SLCO1B3: variants seen among roughly 807,000 people sequenced by gnomAD.
SLCO1B3 encodes the protein liver-specific organic anion transporter 2.
In SLCO1B3, 72 loss-of-function variants were observed where a neutral mutation model predicts 71.8. The ratio of observed to expected loss-of-function variants is 1.00; its 90% CI spans 0.83 to 1.22. The LOEUF is 1.22. SLCO1B3 is among the 50% of genes most tolerant of loss of function. The probability of loss-of-function intolerance (pLI) is 0.00; values close to 1 mark genes in which losing one functional copy is unlikely to be tolerated. For missense variants in SLCO1B3, 911 were observed against 819.7 expected (o/e 1.11, Z -1.36); for synonymous variants, 298 against 278.4 (o/e 1.07, Z -0.70).
intron 3 of SLCO1B3, among the ~76,000 whole-genome samples, chr12:20,822,261 C>A (rs144659345): frequency 6.6e-6 from 1 of 151,902 alleles, no homozygotes; most frequent in African/African-American, 2.4e-5. Flanking sequence ...CACCTGGATG[C>A]GGTTGGGCTG....
rs2121292932 is a variant in SLCO1B3 at position 20,875,447 on chromosome 12, C to A, written c.940C>A (p.Gln314Lys). 1 of 1,598,882 alleles carries A rather than the reference C, an allele frequency of 6.3e-7. No homozygotes were observed. Among genetic ancestry groups the A allele is most frequent in the South Asian group, 1.1e-5 (1 of 87,366 alleles). Reference protein sequence around the residue: ...DRNQTANLTNQGKNVTKNVTG... With the variant: ...DRNQTANLTNKGKNVTKNVTG... ...AAATCAAACAGCTAATTTGACCAAC[C>A]AAGGAAAAAATGTTACCAAAAATGT... Residue 314 changes from glutamine to lysine, a missense_variant, in exon 9 of 16, where the codon CAA (glutamine) becomes AAA (lysine). Coordinates refer to ENST00000381545, the MANE Select transcript of SLCO1B3 (RefSeq NM_019844.4).
chr12:20,870,664 C>T (rs1269180704), intron 8 of SLCO1B3, among the ~76,000 whole-genome samples: 1 of 152,144 alleles, frequency 6.6e-6, no homozygotes, highest in African/African-American at 2.4e-5. Context: ...GCTCTGTATT[C>T]CATTCTGTTG....
Position 20,880,876 on chromosome 12 carries a change from T to C in SLCO1B3, c.1353T>C (p.His451=), listed in dbSNP as rs1865677876. The C allele has an allele frequency of 1.2e-6, 2 of 1,606,628 alleles. No individual in the cohort carries two copies. Among genetic ancestry groups the C allele is most frequent in the African/African-American group, 2.7e-5 (2 of 74,680 alleles). Residue 451 remains histidine (H), a synonymous_variant, in exon 12 of 16, where the codon CAT becomes CAC. Transcript: ENST00000381545. Reference sequence around the variant, plus strand: ...TCAGAAATAATTCAGTGGCATCTCATGTAGATGTACCACTTTCTTATTGCA... The same window carrying C: ...TCAGAAATAATTCAGTGGCATCTCACGTAGATGTACCACTTTCTTATTGCA... The part of the protein sequence containing the change: ...TYDGNNSVAS[H]VDVPLSYCNS...
At chr12:20,858,395 A>T in intron 4 of SLCO1B3, 44 bp from the exon 5 acceptor site, 1 of 1,421,348 alleles carries the variant, frequency 7.0e-7, no homozygotes, top group Non-Finnish European at 9.9e-7. Context: ...ACTAGATACA[A>T]AATTACACTA....
At chr12:20,871,366 G>C (rs1865472238) in intron 8 of SLCO1B3, among the ~76,000 whole-genome samples, 1 of 152,098 alleles carries the variant, frequency 6.6e-6, no homozygotes. Flanking sequence ...TGAATTCTCT[G>C]TTTGAAAGAT....
At chr12:20,814,041 T>C (rs747689374) in intron 2 of SLCO1B3, among the ~76,000 whole-genome samples, 128 of 152,174 alleles carry the variant, frequency 8.4e-4, no homozygotes, top group Non-Finnish European at 3.2e-4. Flanking sequence ...AGCAGCTACA[T>C]AGCAAGTATC....
At chr12:20,875,668 G>C (rs542012910) in intron 9 of SLCO1B3, among the ~76,000 whole-genome samples, 191 bp downstream of exon 9, 5 of 152,174 alleles carry the variant, frequency 3.3e-5, no homozygotes, top group Non-Finnish European at 7.4e-5. Context: ...AAAAGGGGAA[G>C]AGGATTAGGT....
chr12:20,897,954 G>A (rs1182834531), intron 13 of SLCO1B3, among the ~76,000 whole-genome samples: 1 of 152,076 alleles, frequency 6.6e-6, no homozygotes, highest in East Asian at 1.9e-4. Context: ...AAAGTTTTTT[G>A]ACCCTTCTGG....
At chr12:20,842,307 T>C (rs4141476) in intron 3 of SLCO1B3, among the ~76,000 whole-genome samples, 109,890 of 151,840 alleles carry the variant, frequency 0.72, 42,346 homozygotes, top group South Asian at 0.9. Flanking sequence ...CCTATCATAA[T>C]TGAGAAACAA....
chr12:20,821,519 GT>G lies in SLCO1B3; in HGVS notation c.84+5700del, dbSNP rs563384913. 2.5e-4 allele frequency among the ~76,000 whole-genome samples: 38 copies of G among 152,148 alleles called. No homozygotes were observed. The South Asian group carries it at 7.5e-3, about 30-fold the overall frequency. On this transcript the variant is annotated intron_variant, in intron 3 of 15. Coordinates refer to ENST00000381545, the MANE Select transcript of SLCO1B3 (RefSeq NM_019844.4). ...GTAGAGACACGGAGAAGTGATGGGG[GT>G]TTCTTGCCCTCCAGAAAAGCAGAGA... is the stretch of plus-strand genomic sequence containing the variant.
intron 15 of SLCO1B3, among the ~76,000 whole-genome samples, chr12:20,908,303 A>G (rs1428755888): frequency 6.6e-6 from 1 of 152,210 alleles, no homozygotes; most frequent in Non-Finnish European, 1.5e-5. Context: ...TCCCGCATAC[A>G]TGCATAGCCT....
At chr12:20,902,051 T>C (rs1866142934) in intron 15 of SLCO1B3, 1 of 299,592 alleles carries the variant, frequency 3.3e-6, no homozygotes, top group Non-Finnish European at 6.4e-6. Flanking sequence ...CTATAAGTAT[T>C]AGAACTACTC....
chr12:20,831,831 C>A (rs1435113453), intron 3 of SLCO1B3, among the ~76,000 whole-genome samples: 1 of 152,064 alleles, frequency 6.6e-6, no homozygotes, highest in Non-Finnish European at 1.5e-5. Flanking sequence ...GTGAGAGAAA[C>A]AATAATAGTG....
In SLCO1B3 at chr12:20,814,971, CTTTTCTTTTCT is replaced by C. The variant is rs1356780596; in HGVS notation, c.-65-698_-65-688del. On this transcript the variant is annotated intron_variant, in intron 2 of 15. Coordinates refer to ENST00000381545, the MANE Select transcript of SLCO1B3 (RefSeq NM_019844.4). ...GGTTATAAGCAGAATCTTGCCTTTT[CTTTTCTTTTCT>C]TTTTTTTTTTTTTTGCATTTTTCAA... 2.1e-4 allele frequency among the ~76,000 whole-genome samples: 9 copies of C among 42,230 alleles called. No individual in the cohort carries two copies. The South Asian group carries it at 7.7e-3, about 36-fold the overall frequency. The allele number at this position is 42,230 out of a possible 152,430, so 27.7% of individuals were successfully genotyped here. A position where few individuals can be genotyped will look rare whatever the true frequency, so the allele number is the denominator to read the frequency against.
intron 8 of SLCO1B3, among the ~76,000 whole-genome samples, chr12:20,873,348 G>GTTGTTTTTGTTT (rs74763823): frequency 3.3e-5 from 5 of 151,384 alleles, no homozygotes; most frequent in South Asian, 2.1e-4. Flanking sequence ...AGATGTTGTT[G>GTTGTTTTTGTTT]TTGTTTTTGT....
At chr12:20,872,127 C>A (rs35122607) in intron 8 of SLCO1B3, among the ~76,000 whole-genome samples, 15,260 of 151,940 alleles carry the variant, frequency 0.1, 1,057 homozygotes, top group Middle Eastern at 0.22. Context: ...TCTTCTCTCC[C>A]CTTGCCACAG....
At chr12:20,822,187 T>C (rs531883135) in intron 3 of SLCO1B3, among the ~76,000 whole-genome samples, 2 of 152,288 alleles carry the variant, frequency 1.3e-5, no homozygotes, top group East Asian at 3.9e-4. Context: ...GCACCAAATT[T>C]CATGTGTGTC....
chr12:20,883,398 AT>A lies in SLCO1B3; in HGVS notation c.1498-17del. ...GTATTTGGCAAATGTATTTGTTAAT[AT>A]TTCAAAAACTATTTTTAGGTGTTTT... On this transcript the variant is annotated intron_variant, in intron 12 of 15. Coordinates refer to ENST00000381545, the MANE Select transcript of SLCO1B3 (RefSeq NM_019844.4). The A allele has an allele frequency of 7.0e-7, 1 of 1,428,068 alleles. No homozygotes were observed. Among genetic ancestry groups the A allele is most frequent in the Non-Finnish European group, 9.4e-7 (1 of 1,061,946 alleles). The allele number at this position is 1,428,068 out of a possible 1,614,324, so 88.5% of individuals were successfully genotyped here. A position where few individuals can be genotyped will look rare whatever the true frequency, so the allele number is the denominator to read the frequency against.
chr12:20,813,172 A>G (rs921589492), intron 1 of SLCO1B3, among the ~76,000 whole-genome samples: 8 of 152,220 alleles, frequency 5.3e-5, no homozygotes, highest in Non-Finnish European at 1.0e-4. Flanking sequence ...ATTTTTCCAT[A>G]TTCATGCATT....
Sources: gnomAD v4.1 joint callset for allele counts (sites outside exome capture counted in the v4.1 genomes callset) on GRCh38, gnomAD v4.1.1 for gene constraint, MANE v1.5 for transcripts, NCBI Gene and HGNC (gene_info 2026-07-23, HGNC 2026-07-21) for gene names.